MCF2: variants seen among roughly 807,000 people sequenced by gnomAD.
MCF2 encodes the protein MCF.2 cell line derived transforming sequence.
A neutral mutation model predicts 82.5 loss-of-function variants in MCF2; 44 were observed. The observed-to-expected ratio is 0.53, with a 90% CI of 0.42 to 0.69. The LOEUF is 0.69. Among genes scored for constraint, MCF2 ranks in the 30% least tolerant of loss-of-function variants. MCF2 has a pLI of 0.00. For synonymous variants in MCF2, 217 were observed against 224.9 expected (o/e 0.96, Z 0.32); for missense variants, 623 against 663.1 (o/e 0.94, Z 0.66).
chrX:139,632,974 T>A (rs775160879), intron 1 of MCF2, among the ~76,000 whole-genome samples: 1 of 112,001 alleles, frequency 8.9e-6, no homozygotes, highest in African/African-American at 3.2e-5. Context: ...CTGTTAGGCA[T>A]TGAATGTTCA....
At chrX:139,682,223 T>C (rs759862074) in intron 1 of MCF2, among the ~76,000 whole-genome samples, 12 of 111,726 alleles carry the variant, frequency 1.1e-4, no homozygotes, top group Middle Eastern at 4.6e-3. Context: ...GTGTCCCAGG[T>C]TGCTGCTCCT....
At chrX:139,612,184 G>A (rs901259975) in intron 10 of MCF2, among the ~76,000 whole-genome samples, 6 of 110,730 alleles carry the variant, frequency 5.4e-5, no homozygotes, top group African/African-American at 2.0e-4. Context: ...CATAAGTGAG[G>A]AGGAACCAAG....
intron 4 of MCF2, among the ~76,000 whole-genome samples, chrX:139,628,950 A>G (rs777158942): frequency 4.5e-5 from 5 of 111,733 alleles, no homozygotes; most frequent in African/African-American, 6.5e-5. Context: ...AGAACTTACA[A>G]TCAATTGAGC....
intron 16 of MCF2, among the ~76,000 whole-genome samples, chrX:139,602,174 T>A: frequency 9.0e-6 from 1 of 110,856 alleles, no homozygotes; most frequent in Non-Finnish European, 1.9e-5. Flanking sequence ...AGCATGTCAT[T>A]TGGAGCTATG....
intron 1 of MCF2, among the ~76,000 whole-genome samples, chrX:139,705,351 G>A (rs1254442870): frequency 5.4e-5 from 6 of 111,574 alleles, no homozygotes; most frequent in Non-Finnish European, 1.1e-4. Context: ...GCTTGGTAGT[G>A]GTACAAAAAC....
rs149432157 is a variant in MCF2 at position 139,690,614 on chromosome X, C to A, written c.-45+17492G>T. Among the ~76,000 whole-genome samples, 817 of 111,087 alleles carry A rather than the reference C, an allele frequency of 7.4e-3. 7 individuals carry two copies. Among genetic ancestry groups the A allele is most frequent in the African/African-American group, 0.025 (772 of 30,506 alleles). ...TTCTGTGTGATGAAGATGCACAGAC[C>A]ACAGCCTTGAATTAATTCCTCTGGT... On this transcript the variant is annotated intron_variant, in intron 1 of 27. Transcript: ENST00000414978.
At chrX:139,587,826 C>G in intron 21 of MCF2, 38 bp from the exon 26 acceptor site, 1 of 887,625 alleles carries the variant, frequency 1.1e-6, no homozygotes, top group Non-Finnish European at 1.6e-6. Flanking sequence ...ATTCAGAAGT[C>G]ACACTTCTTA....
intron 16 of MCF2, among the ~76,000 whole-genome samples, chrX:139,600,718 G>A (rs1278142356): frequency 9.0e-6 from 1 of 111,470 alleles, no homozygotes; most frequent in Admixed American, 9.6e-5. Context: ...TCAACAATGA[G>A]GATCATGGTC....
upstream of MCF2, chrX:139,645,743 C>A (rs1160289649): frequency 3.8e-5 from 20 of 522,882 alleles, no homozygotes; most frequent in East Asian, 4.9e-4. Flanking sequence ...CTGATTATTT[C>A]ATCTACATTT....
intron 1 of MCF2, among the ~76,000 whole-genome samples, chrX:139,662,003 A>G (rs1934368515): frequency 9.0e-6 from 1 of 111,703 alleles, no homozygotes; most frequent in South Asian, 3.7e-4. Flanking sequence ...ATCTCTATTT[A>G]TAAATGATGT....
At chrX:139,616,437 C>A (rs759252694) in exon 9 of MCF2, 2 of 1,155,326 alleles carry the variant, frequency 1.7e-6, no homozygotes, top group Non-Finnish European at 2.3e-6. Flanking sequence ...TCCTGATTAG[C>A]TAGAAGACAT....
rs1232555857 is a variant in MCF2, at chrX:139,631,284, T to C, written c.288+111A>G. On this transcript the variant is annotated intron_variant, in intron 3 of 24. Coordinates refer to ENST00000370576, the Ensembl canonical transcript of MCF2. ...AATGAGGGCCCAGAAAGCTGGGGTT[T>C]TTTTGTTTTGTTTTGTTTTGTTTTT... is the stretch of plus-strand genomic sequence containing the variant. The C allele has an allele frequency of 1.1e-5, 5 of 436,903 alleles. No homozygotes were observed. In the South Asian group the frequency reaches 2.3e-4, roughly 20 times the overall value. 36.0% of individuals were successfully genotyped at this position (436,903 alleles called of 1,213,427 possible). A position where few individuals can be genotyped will look rare whatever the true frequency, so the allele number is the denominator to read the frequency against.
At chrX:139,676,734 C>T (rs1322936943) in intron 1 of MCF2, among the ~76,000 whole-genome samples, 1 of 111,977 alleles carries the variant, frequency 8.9e-6, no homozygotes, top group Non-Finnish European at 1.9e-5. Context: ...ATAGTAAGTG[C>T]TCGATAAATG....
intron 1 of MCF2, among the ~76,000 whole-genome samples, chrX:139,696,339 C>CTT (rs1468103555): frequency 5.9e-5 from 5 of 85,436 alleles, no homozygotes; most frequent in African/African-American, 2.1e-4. Flanking sequence ...CCTTCTTTCT[C>CTT]TTCTCTCCTC....
intron 19 of MCF2, among the ~76,000 whole-genome samples, chrX:139,590,927 A>G (rs1929465324): frequency 9.0e-6 from 1 of 111,388 alleles, no homozygotes; most frequent in Non-Finnish European, 1.9e-5. Context: ...CCCTGAACGT[A>G]GTAAGAAGTT....
At chrX:139,626,407 A>T in intron 5 of MCF2, 100 bp from the exon 9 acceptor site, 1 of 595,874 alleles carries the variant, frequency 1.7e-6, no homozygotes, top group African/African-American at 2.3e-5. Flanking sequence ...AGGCAAAGTC[A>T]TAGCCCATGA....
chrX:139,582,350 T>C (rs926982803), exon 25 of MCF2: 1 of 696,658 alleles, frequency 1.4e-6, no homozygotes, highest in Non-Finnish European at 2.3e-6. Flanking sequence ...TCTTTGCGTG[T>C]CCATTAACCT....
exon 16 of MCF2, chrX:139,602,406 C>G: frequency 8.5e-7 from 1 of 1,177,389 alleles, no homozygotes; most frequent in Non-Finnish European, 1.2e-6. Flanking sequence ...ATTACTGTAC[C>G]TGGAAAAATG....
At chrX:139,641,121 T>C (rs975797994) in intron 1 of MCF2, among the ~76,000 whole-genome samples, 5 of 108,579 alleles carry the variant, frequency 4.6e-5, no homozygotes, top group Non-Finnish European at 7.6e-5. Context: ...TTATTGTGTG[T>C]ATATTAATGC....
Sources: gnomAD v4.1 joint callset for allele counts (sites outside exome capture counted in the v4.1 genomes callset) on GRCh38, gnomAD v4.1.1 for gene constraint, MANE v1.5 for transcripts, NCBI Gene and HGNC (gene_info 2026-07-23, HGNC 2026-07-21) for gene names.